The following MIGA1 variants were observed in gnomAD, a reference collection of about 807,000 sequenced individuals.
MIGA1 encodes the protein mitoguardin 1, also known as family with sequence similarity 73, member A.
A neutral mutation model predicts 82.0 loss-of-function variants in MIGA1; 58 were observed. The observed-to-expected ratio is 0.71, with a 90% CI of 0.57 to 0.88. The LOEUF (loss-of-function observed/expected upper bound fraction) is 0.88, where lower values mean the gene tolerates loss of function less well. Ranked by LOEUF, MIGA1 falls within the 40% of genes least tolerant of loss-of-function variation. The pLI, the probability that MIGA1 is intolerant of heterozygous loss-of-function variation, is 0.00. For synonymous variants in MIGA1, 249 were observed against 253.6 expected, an observed-to-expected ratio of 0.98 and a Z score of 0.17; for missense variants, 751 against 749.1, an observed-to-expected ratio of 1.00 and a Z score of -0.03.
At position 77,831,512 on chromosome 1, in the gene MIGA1, A is replaced by G. The variant is rs1433938295; in HGVS notation, c.896-11795A>G. ...ATTTTATTATCTGAATTATTTTGGT[A>G]AAAATTAGGCTTCAGTTGGCCACAA... On this transcript the variant is annotated intron_variant, in intron 7 of 15. Coordinates refer to ENST00000370791, the MANE Select transcript of MIGA1 (RefSeq NM_198549.4). Among the ~76,000 whole-genome samples the G allele has an allele frequency of 2.0e-5, 3 of 151,918 alleles. No homozygotes were observed. The South Asian group carries it at 6.2e-4, about 31-fold the overall frequency.
At chr1:77,797,072 T>C (rs562646060) in intron 2 of MIGA1, among the ~76,000 whole-genome samples, 2 of 152,372 alleles carry the variant, frequency 1.3e-5, no homozygotes, top group Admixed American at 1.3e-4. Flanking sequence ...ATTGGCTTTT[T>C]CCTTTTACCA....
chr1:77,805,850 TC>T (rs1308706557), intron 4 of MIGA1, among the ~76,000 whole-genome samples: 2 of 152,272 alleles, frequency 1.3e-5, no homozygotes, highest in East Asian at 1.9e-4. Context: ...AATGTGAACT[TC>T]CTCAGTGTCT....
intron 2 of MIGA1, among the ~76,000 whole-genome samples, chr1:77,793,377 A>G (rs972262109): frequency 6.6e-6 from 1 of 151,962 alleles, no homozygotes; most frequent in African/African-American, 2.4e-5. Flanking sequence ...TGCTGGGATT[A>G]TAGGCATGAG....
At chr1:77,869,689 G>C (rs1178039246) in intron 14 of MIGA1, among the ~76,000 whole-genome samples, 1 of 123,972 alleles carries the variant, frequency 8.1e-6, no homozygotes, top group Admixed American at 7.3e-5. Flanking sequence ...CGGCCGGCTG[G>C]GCGGGGGGCT....
At position 77,816,538 on chromosome 1, in the gene MIGA1, C is replaced by T. The variant is rs139234057; in HGVS notation, c.895+1307C>T. Among the ~76,000 whole-genome samples, 18 of 152,160 alleles carry T rather than the reference C, an allele frequency of 1.2e-4. No individual in the cohort carries two copies. In the East Asian group the frequency reaches 3.5e-3, roughly 29 times the overall value. On this transcript the variant is annotated intron_variant, in intron 7 of 15. Coordinates refer to ENST00000370791, the MANE Select transcript of MIGA1 (RefSeq NM_198549.4). ...TTGTTTGTATTAGAATTATGAATTA[C>T]TGTGTATATGTCATAAGGTTATATG...
At chr1:77,839,535 T>A (rs1684551729) in intron 7 of MIGA1, among the ~76,000 whole-genome samples, 1 of 151,936 alleles carries the variant, frequency 6.6e-6, no homozygotes, top group African/African-American at 2.4e-5. Flanking sequence ...CACGCCCTGC[T>A]AACTTTTTAA....
chr1:77,829,765 C>G (rs1684172009), intron 7 of MIGA1, among the ~76,000 whole-genome samples: 1 of 151,988 alleles, frequency 6.6e-6, no homozygotes, highest in South Asian at 2.1e-4. Flanking sequence ...CCCACTGCGC[C>G]CGGCCGTAGA....
chr1:77,801,939 A>T lies in MIGA1; in HGVS notation c.373+431A>T, dbSNP rs1682901361. ...CATTTTTAATATATAACTAGTGTTA[A>T]TTTGTATGAATGTACCCCAATTTAT... On this transcript the variant is annotated intron_variant, in intron 3 of 15. Transcript: ENST00000370791. Among the ~76,000 whole-genome samples, 3 of 152,242 alleles carry T rather than the reference A, an allele frequency of 2.0e-5. No homozygotes were observed. In the South Asian group the frequency reaches 6.2e-4, roughly 32 times the overall value.
chr1:77,866,156 C>T (rs983754042), intron 13 of MIGA1, among the ~76,000 whole-genome samples, 182 bp from the exon 14 acceptor site: 1 of 152,082 alleles, frequency 6.6e-6, no homozygotes, highest in Non-Finnish European at 1.5e-5. Flanking sequence ...ACCTCATGAT[C>T]CACCCGCCTC....
chr1:77,853,423 AACT>A, intron 8 of MIGA1: 1 of 161,402 alleles, frequency 6.2e-6, no homozygotes, highest in Non-Finnish European at 1.4e-5. Flanking sequence ...GTGCTGCAGA[AACT>A]ACAACCAAAG....
chr1:77,838,141 T>C (rs1684498229), intron 7 of MIGA1, among the ~76,000 whole-genome samples: 1 of 152,170 alleles, frequency 6.6e-6, no homozygotes. Context: ...TCCTTCTATT[T>C]AAATCCTTAG....
Position 77,813,931 on chromosome 1 carries a change from T to C in MIGA1, c.771+64T>C. The C allele has an allele frequency of 3.2e-6, 5 of 1,576,872 alleles. No individual in the cohort carries two copies. The South Asian group carries it at 5.7e-5, about 18-fold the overall frequency. On this transcript the variant is annotated intron_variant, in intron 6 of 15. Coordinates refer to ENST00000370791, the MANE Select transcript of MIGA1 (RefSeq NM_198549.4). ...AAGAATCAAACTTTTTTTTTGTTTT[T>C]TTGGTAGAGGTAGGGTCTCACTGTT...
chr1:77,840,130 C>G (rs1336055295), intron 7 of MIGA1, among the ~76,000 whole-genome samples: 1 of 152,132 alleles, frequency 6.6e-6, no homozygotes, highest in Non-Finnish European at 1.5e-5. Context: ...TTTCTTTGTA[C>G]TTTTTATTGT....
intron 6 of MIGA1, among the ~76,000 whole-genome samples, 160 bp downstream of exon 6, chr1:77,814,027 C>A (rs1238870654): frequency 6.6e-6 from 1 of 151,730 alleles, no homozygotes. Context: ...GTAATTAGGA[C>A]TATAGGGATG....
chr1:77,808,597 TGAA>T lies in MIGA1; in HGVS notation c.637+1503_637+1505del, dbSNP rs569034908. 3.9e-5 allele frequency among the ~76,000 whole-genome samples: 6 copies of T among 152,358 alleles called. No homozygotes were observed. The East Asian group carries it at 1.2e-3, about 29-fold the overall frequency. On this transcript the variant is annotated intron_variant, in intron 5 of 15. Transcript: ENST00000370791. ...TGTCTATGGAGCCTCACTGGAGCCC[TGAA>T]GAAGAACCAAATGAACCTGTTGTTG...
At chr1:77,784,165 G>T (rs912584268) in intron 2 of MIGA1, among the ~76,000 whole-genome samples, 2 of 152,118 alleles carry the variant, frequency 1.3e-5, no homozygotes, top group Admixed American at 6.5e-5. Context: ...TAATTATTTT[G>T]TGTCAAGTGA....
intron 14 of MIGA1, among the ~76,000 whole-genome samples, chr1:77,869,481 G>A (rs1685817671): frequency 7.2e-6 from 1 of 138,694 alleles, no homozygotes; most frequent in African/African-American, 2.7e-5. Context: ...CGGGGTCGTG[G>A]CCGGGCAGAG....
intron 5 of MIGA1, among the ~76,000 whole-genome samples, chr1:77,807,750 C>A (rs1369436523): frequency 6.6e-6 from 1 of 152,122 alleles, no homozygotes; most frequent in Non-Finnish European, 1.5e-5. Flanking sequence ...CTCGTGACCA[C>A]ATCATTCCAG....
chr1:77,844,965 G>C (rs1006353054), intron 8 of MIGA1, among the ~76,000 whole-genome samples: 34 of 152,186 alleles, frequency 2.2e-4, no homozygotes, highest in African/African-American at 2.4e-5. Flanking sequence ...CTGGTCAACA[G>C]AGTGAGACTC....
Sources: allele counts gnomAD v4.1 joint callset (sites outside exome capture counted in the v4.1 genomes callset), GRCh38; gene constraint gnomAD v4.1.1; transcripts MANE v1.5; gene names NCBI Gene and HGNC (gene_info 2026-07-23, HGNC 2026-07-21).